Variants in COMT observed in about 807,000 individuals in gnomAD.
COMT encodes catechol-O-methyltransferase.
COMT carries 13 observed loss-of-function variants against 18.9 expected under a neutral mutation model. The ratio of observed to expected loss-of-function variants is 0.69; its 90% CI spans 0.45 to 1.09. COMT has a LOEUF of 1.09. Ranked by LOEUF, COMT falls within the 50% of genes least tolerant of loss-of-function variation. The pLI is 0.00. For synonymous variants in COMT, 150 were observed against 160.9 expected (o/e 0.93, Z 0.51); for missense variants, 329 against 361.8 (o/e 0.91, Z 0.73).
rs532822625 is a variant in COMT at position 19,963,387 on chromosome 22, G to A, written c.290-179G>A. ...TGGGGACCAGGTCCTGGGGGCTGGG[G>A]ACACCAGGGAGGTGAAATACCCCTC... On this transcript the variant is annotated intron_variant, in intron 3 of 5. Transcript: ENST00000361682. The A allele has an allele frequency of 1.5e-4, 102 of 693,072 alleles. No homozygotes were observed. The African/African-American group carries it at 1.6e-3, about 11-fold the overall frequency. The allele number at this position is 693,072 out of a possible 1,614,324, so 42.9% of individuals were successfully genotyped here.
chr22:19,963,753 G>T lies in COMT; in HGVS notation c.477G>T (p.Lys159Asn). The change falls in exon 4 of 6, where the codon AAG becomes AAT. Residue 159 changes from lysine to asparagine, a missense_variant. Physicochemically the swap from Lys to Asn is moderately conservative, Grantham distance 94. Coordinates refer to ENST00000361682, the MANE Select transcript of COMT (RefSeq NM_000754.4). ...GGATGGTGGATTTCGCTGGCGTGAA[G>T]GACAAGGTGTGCATGCCTGACCCGT... Reference protein sequence around the residue: ...TQRMVDFAGVKDKVTLVVGAS... With the variant: ...TQRMVDFAGVNDKVTLVVGAS... 1 of 1,610,758 alleles carries T rather than the reference G, an allele frequency of 6.2e-7. No homozygotes were observed.
In COMT at chr22:19,962,733, C is replaced by T. The variant is rs745542046; in HGVS notation, c.207C>T (p.Pro69=). The change falls in exon 3 of 6, where the codon CCC becomes CCT. Residue 69 remains proline, a synonymous_variant. Transcript: ENST00000361682. ...ACCACGTGCTGCAGCATGCGGAGCC[C>T]GGGAACGCACAGAGCGTGCTGGAGG... The part of the protein sequence containing the change: ...ILNHVLQHAE[P]GNAQSVLEAI... The T allele has an allele frequency of 6.8e-6, 11 of 1,613,698 alleles. No homozygotes were observed. The highest frequency in any genetic ancestry group is 6.7e-5 in the East Asian group (3 of 44,872).
At chr22:19,951,541 T>A (rs896191010) in intron 1 of COMT, 1 of 152,184 alleles carries the variant, frequency 6.6e-6, no homozygotes, top group Non-Finnish European at 1.5e-5. Context: ...CACGGATCGC[T>A]GTGTACACTG....
chr22:19,942,768 G>C (rs1255314573), intron 1 of COMT, among the ~76,000 whole-genome samples: 1 of 152,192 alleles, frequency 6.6e-6, no homozygotes, highest in African/African-American at 2.4e-5. Flanking sequence ...GATTTGTCTA[G>C]ATGTGCCTGG....
At chr22:19,942,262 T>A (rs1002531197) in intron 1 of COMT, among the ~76,000 whole-genome samples, 2 of 151,774 alleles carry the variant, frequency 1.3e-5, no homozygotes, top group South Asian at 4.2e-4. Context: ...CTGGTGAGGG[T>A]GTGGTAGAGT....
chr22:19,948,138 C>A, intron 1 of COMT, among the ~76,000 whole-genome samples: 1 of 152,192 alleles, frequency 6.6e-6, no homozygotes, highest in East Asian at 1.9e-4. Flanking sequence ...TATCTATGAT[C>A]TATATCTAAT....
At chr22:19,959,669 C>A (rs944866297) in intron 1 of COMT, among the ~76,000 whole-genome samples, 6 of 137,060 alleles carry the variant, frequency 4.4e-5, no homozygotes, top group African/African-American at 2.0e-4. Context: ...ACAAGGGAAT[C>A]CCAGCGCTCT....
At chr22:19,963,993 C>T in intron 4 of COMT, 175 bp from the exon 5 acceptor site, 1 of 1,336,338 alleles carries the variant, frequency 7.5e-7, no homozygotes, top group African/African-American at 1.4e-5. Flanking sequence ...GGGGCAGGGA[C>T]AGAGTGGGGC....
chr22:19,966,125 A>C (rs1314690737), intron 5 of COMT, among the ~76,000 whole-genome samples: 1 of 152,270 alleles, frequency 6.6e-6, no homozygotes, highest in Non-Finnish European at 1.5e-5. Flanking sequence ...GCTGGTAATT[A>C]TCTCAAAAGA....
At chr22:19,952,091 G>GCCT (rs1941950950) in intron 1 of COMT, among the ~76,000 whole-genome samples, 2 of 151,918 alleles carry the variant, frequency 1.3e-5, no homozygotes, top group Admixed American at 1.3e-4. Context: ...CTTGAGGCCA[G>GCCT]GAGTTTAAGA....
chr22:19,957,143 G>T (rs933978763), intron 1 of COMT, among the ~76,000 whole-genome samples: 1 of 152,054 alleles, frequency 6.6e-6, no homozygotes, highest in South Asian at 2.1e-4. Context: ...GTAGAGACAG[G>T]GTTTCACTGT....
chr22:19,962,955 C>A, intron 3 of COMT, 140 bp downstream of exon 3: 4 of 1,145,460 alleles, frequency 3.5e-6, no homozygotes, highest in Non-Finnish European at 3.6e-6. Context: ...GGCTGGGGGG[C>A]TCCTCTGGAG....
chr22:19,964,524 G>A (rs1283498001), intron 5 of COMT: 14 of 689,600 alleles, frequency 2.0e-5, no homozygotes, highest in East Asian at 2.7e-5. Flanking sequence ...GGCCTGTTGG[G>A]AACTGGGGAG....
At chr22:19,948,049 G>C (rs1485013589) in intron 1 of COMT, among the ~76,000 whole-genome samples, 1 of 152,156 alleles carries the variant, frequency 6.6e-6, no homozygotes, top group Non-Finnish European at 1.5e-5. Flanking sequence ...GGTTATAATT[G>C]TAGAGCGAAG....
chr22:19,949,759 G>A (rs1018615621), intron 1 of COMT, among the ~76,000 whole-genome samples: 7 of 152,026 alleles, frequency 4.6e-5, no homozygotes, highest in South Asian at 4.2e-4. Context: ...CACCACGCCC[G>A]GCCATAACTT....
At chr22:19,960,229 A>G (rs1001613526) in intron 1 of COMT, among the ~76,000 whole-genome samples, 3 of 152,238 alleles carry the variant, frequency 2.0e-5, no homozygotes, top group Non-Finnish European at 4.4e-5. Flanking sequence ...AGCCCTTTTA[A>G]TTTGGGGTAT....
At chr22:19,963,527 A>ACCTGTGCTCACCTCTCCT in intron 3 of COMT, 39 bp from the exon 4 acceptor site, 1 of 1,604,690 alleles carries the variant, frequency 6.2e-7, no homozygotes, top group Non-Finnish European at 8.5e-7. Context: ...CCCTCTCTCC[A>ACCTGTGCTCACCTCTCCT]CCTGTGCTCA....
chr22:19,960,044 C>T (rs1942159438), intron 1 of COMT, among the ~76,000 whole-genome samples: 1 of 152,250 alleles, frequency 6.6e-6, no homozygotes, highest in Non-Finnish European at 1.5e-5. Flanking sequence ...GTGGCCTCCT[C>T]CCCTCTGCTG....
At chr22:19,957,577 T>C (rs1942091584) in intron 1 of COMT, among the ~76,000 whole-genome samples, 2 of 152,248 alleles carry the variant, frequency 1.3e-5, no homozygotes. Context: ...AGAAGCTTCA[T>C]GCTCTTTAGA....
Sources: gnomAD v4.1 joint callset for allele counts (sites outside exome capture counted in the v4.1 genomes callset) on GRCh38, gnomAD v4.1.1 for gene constraint, MANE v1.5 for transcripts, NCBI Gene and HGNC (gene_info 2026-07-23, HGNC 2026-07-21) for gene names.